TP53I13: variants seen among roughly 807,000 people sequenced by gnomAD.
TP53I13 encodes tumor protein p53-inducible protein 13.
A neutral mutation model predicts 39.1 loss-of-function variants in TP53I13; 27 were observed. That is an observed-to-expected ratio of 0.69 (90% CI 0.51 to 0.95). TP53I13 has a LOEUF of 0.95. TP53I13 is among the 40% of genes least tolerant of loss of function. The pLI is 0.00. For missense variants in TP53I13, 544 were observed against 520.4 expected, an observed-to-expected ratio of 1.05 and a Z score of -0.44; for synonymous variants, 230 against 224.6, an observed-to-expected ratio of 1.02 and a Z score of -0.22.
At chr17:29,581,707 C>T in the TP53I13 span, 1 of 1,552,876 alleles carries the variant, frequency 6.4e-7, no homozygotes, top group Non-Finnish European at 8.8e-7. The surrounding 1 kb of genome is among the most constrained non-coding windows in gnomAD (Gnocchi z 4.8). Flanking sequence ...CCAGCCAGGC[C>T]TGTCACAGCC....
intron 3 of TP53I13, 190 bp downstream of exon 3, chr17:29,569,549 A>T (rs936052265): frequency 3.6e-6 from 2 of 561,496 alleles, no homozygotes; most frequent in African/African-American, 3.7e-5. Context: ...TGGCTCAAAG[A>T]CAGTGAGCCA....
chr17:29,569,485 G>C (rs944101269), intron 3 of TP53I13, 126 bp downstream of exon 3: 1 of 910,022 alleles, frequency 1.1e-6, no homozygotes, highest in Non-Finnish European at 1.7e-6. Context: ...CAGAGGCAGG[G>C]TTCTAGTTCT....
chr17:29,579,788 T>C, the TP53I13 span, among the ~76,000 whole-genome samples: 4 of 150,874 alleles, frequency 2.7e-5, no homozygotes, highest in African/African-American at 7.3e-5. Context: ...CCCTGAAAAA[T>C]AGATGCTGTC....
the TP53I13 span, chr17:29,581,773 C>T: frequency 6.2e-7 from 1 of 1,611,868 alleles, no homozygotes. The surrounding 1 kb of genome is among the most constrained non-coding windows in gnomAD (Gnocchi z 4.8). Context: ...AGAAGGCCAG[C>T]CGGTCAGTGA....
the TP53I13 span, among the ~76,000 whole-genome samples, chr17:29,579,915 C>T: frequency 6.0e-4 from 92 of 152,240 alleles, no homozygotes; most frequent in African/African-American, 2.2e-3. Flanking sequence ...TCTCCGCTCT[C>T]GGGATGGTCA....
the TP53I13 span, chr17:29,582,287 C>G: frequency 1.6e-6 from 1 of 638,508 alleles, no homozygotes; most frequent in Non-Finnish European, 2.8e-6. Context: ...AGGACAGAGG[C>G]TTCCCGCTAG....
At chr17:29,575,916 G>T, downstream of TP53I13, 1 of 1,591,342 alleles carries the variant, frequency 6.3e-7, no homozygotes. The surrounding 1 kb of genome is among the most constrained non-coding windows in gnomAD (Gnocchi z 5.5). Flanking sequence ...CCAGGGCAGC[G>T]CTGGATGGAG....
chr17:29,576,902 G>C (rs545134245), downstream of TP53I13: 28 of 1,578,388 alleles, frequency 1.8e-5, 1 homozygote, highest in South Asian at 3.2e-4. Flanking sequence ...TGCTGCGCAG[G>C]GGCTCCTGGT....
the TP53I13 span, chr17:29,578,439 G>A: frequency 7.0e-7 from 1 of 1,431,642 alleles, no homozygotes; most frequent in Non-Finnish European, 9.9e-7. Context: ...CAGCTCCCCA[G>A]CATGTTGTGA....
At chr17:29,574,311 G>A (rs184533236), downstream of TP53I13, 3 of 259,322 alleles carry the variant, frequency 1.2e-5, no homozygotes, top group East Asian at 3.2e-4. Flanking sequence ...TCAGCCCCCA[G>A]TAGGGCTGAA....
At chr17:29,574,564 C>T (rs370229539), downstream of TP53I13, 5 of 788,178 alleles carry the variant, frequency 6.3e-6, 1 homozygote, top group Non-Finnish European at 1.1e-5. Context: ...CACCAGGGCA[C>T]CTGGCTGCCA....
downstream of TP53I13, chr17:29,574,935 G>T: frequency 6.5e-7 from 1 of 1,538,878 alleles, no homozygotes; most frequent in Non-Finnish European, 8.8e-7. Flanking sequence ...CAGGAGTGAG[G>T]CTGGACCTTG....
chr17:29,578,458 G>GAACC, the TP53I13 span: 1 of 1,267,596 alleles, frequency 7.9e-7, no homozygotes, highest in Non-Finnish European at 1.2e-6. Flanking sequence ...GAGCCTTGGG[G>GAACC]AACCGGTGGC....
chr17:29,571,795 A>C (rs1293798745), intron 4 of TP53I13, 62 bp from the exon 5 acceptor site: 3 of 1,612,994 alleles, frequency 1.9e-6, no homozygotes, highest in South Asian at 1.1e-5. Flanking sequence ...TGGAAAATTC[A>C]AGGGTTTCCT....
rs745977117 is a variant in TP53I13, at chr17:29,571,999, C to G, written c.455C>G (p.Pro152Arg). ...ATCTACTGTGAAAGCCTTTCAGGGC[C>G]TGCTCCCTCCGAGCCAACTCCCGGT... ...AWIYCESLSG[P>R]APSEPTPGRG... The change falls in exon 5 of 7, where the codon CCT becomes CGT. Residue 152 changes from proline (P) to arginine (R), a missense_variant. By Grantham distance (103) the Pro-to-Arg change is moderately radical (BLOSUM62 -2). Coordinates refer to ENST00000301057, the MANE Select transcript of TP53I13 (RefSeq NM_138349.4). 13 of 1,613,162 alleles carry G rather than the reference C, an allele frequency of 8.1e-6. No homozygotes were observed. In the South Asian group the frequency reaches 1.4e-4, roughly 18 times the overall value.
At chr17:29,575,709 G>A (rs1186814168), downstream of TP53I13, 2 of 1,612,452 alleles carry the variant, frequency 1.2e-6, no homozygotes, top group Non-Finnish European at 8.5e-7. The surrounding 1 kb of genome is among the most constrained non-coding windows in gnomAD (Gnocchi z 5.5). Flanking sequence ...TTGCTCTGGA[G>A]GGCGGAGGGA....
In TP53I13 at chr17:29,572,833, T is replaced by A; in HGVS notation, c.1091T>A (p.Leu364Gln). ...TVAAVLKRRL[L>Q]QPSRRVKRSR... is the part of the protein sequence containing the mutation. ...ACAGCTGTGCTGAAGCGGAGGCTGCTGCAGCCCTCGCGCCGGGTCAAGCGC... is the reference window on the plus strand; with the variant it reads ...ACAGCTGTGCTGAAGCGGAGGCTGCAGCAGCCCTCGCGCCGGGTCAAGCGC... Residue 364 changes from leucine (L) to glutamine (Q), a missense_variant, in exon 7 of 7, where the codon CTG becomes CAG. Physicochemically the swap from Leu to Gln is moderately radical, Grantham distance 113. Transcript: ENST00000301057. 3.3e-6 allele frequency: 5 copies of A among 1,526,416 alleles called. No individual in the cohort carries two copies. Among genetic ancestry groups the A allele is most frequent in the Non-Finnish European group, 4.4e-6 (5 of 1,142,612 alleles). The allele number at this position is 1,526,416 out of a possible 1,614,324, so 94.6% of individuals were successfully genotyped here. A position where few individuals can be genotyped will look rare whatever the true frequency, so the allele number is the denominator to read the frequency against.
chr17:29,571,480 G>A (rs1003434772), intron 3 of TP53I13, 111 bp from the exon 4 acceptor site: 4 of 1,467,996 alleles, frequency 2.7e-6, no homozygotes, highest in South Asian at 2.6e-5. Flanking sequence ...AGGTAGAAGA[G>A]CCATCCAGCT....
In TP53I13 at chr17:29,572,016, A is replaced by G; in HGVS notation, c.472A>G (p.Thr158Ala). ...SLSGPAPSEP[T>A]PGRGRLCRRG... Reference sequence around the variant, plus strand: ...TTCAGGGCCTGCTCCCTCCGAGCCAACTCCCGGTAGAGGGAGGCTGTGCCG... The same window carrying G: ...TTCAGGGCCTGCTCCCTCCGAGCCAGCTCCCGGTAGAGGGAGGCTGTGCCG... Residue 158 changes from threonine (T) to alanine (A), a missense_variant, in exon 5 of 7, where the codon ACT (threonine) becomes GCT (alanine). By Grantham distance (58) the Thr-to-Ala change is moderately conservative. Transcript: ENST00000301057. 6.2e-7 allele frequency: 1 copy of G among 1,613,092 alleles called. No individual in the cohort carries two copies. Among genetic ancestry groups the G allele is most frequent in the Non-Finnish European group, 8.5e-7 (1 of 1,179,990 alleles).
Sources: gnomAD v4.1 joint callset for allele counts (sites outside exome capture counted in the v4.1 genomes callset) on GRCh38, gnomAD v4.1.1 for gene constraint, Gnocchi (gnomAD v3.1) non-coding constraint, MANE v1.5 for transcripts, NCBI Gene and HGNC (gene_info 2026-07-23, HGNC 2026-07-21) for gene names.